The following CNKSR2 variants were observed in gnomAD, a reference collection of about 807,000 sequenced individuals.
The protein encoded by CNKSR2 is connector enhancer of kinase suppressor of Ras 2, also known as CNK homolog protein 2.
CNKSR2 carries 14 observed loss-of-function variants against 84.4 expected under a neutral mutation model. That is an observed-to-expected ratio of 0.17 (90% CI 0.11 to 0.26). CNKSR2 has a LOEUF of 0.26. Ranked by LOEUF, CNKSR2 falls within the 10% of genes least tolerant of loss-of-function variation. The probability of loss-of-function intolerance (pLI) is 1.00; values close to 1 mark genes in which losing one functional copy is unlikely to be tolerated. For missense variants in CNKSR2, 485 were observed against 771.2 expected, an observed-to-expected ratio of 0.63 and a Z score of 4.40; for synonymous variants, 275 against 277.9, an observed-to-expected ratio of 0.99 and a Z score of 0.10.
chrX:21,497,900 A>G (rs1216157052), intron 7 of CNKSR2, 54 bp downstream of exon 7: 2 of 569,527 alleles, frequency 3.5e-6, no homozygotes, highest in Non-Finnish European at 6.3e-6. Context: ...TTTATTGCTA[A>G]CAACTTATAT....
chrX:21,570,996 A>G (rs2092279806), intron 13 of CNKSR2, among the ~76,000 whole-genome samples: 1 of 112,238 alleles, frequency 8.9e-6, no homozygotes. Flanking sequence ...TTGATCTTCT[A>G]TCCAGACCAC....
At chrX:21,600,353 C>G (rs921057688) in intron 17 of CNKSR2, among the ~76,000 whole-genome samples, 1 of 112,028 alleles carries the variant, frequency 8.9e-6, no homozygotes, top group Non-Finnish European at 1.9e-5. Flanking sequence ...TTAGATTATT[C>G]CACAACTTAA....
intron 4 of CNKSR2, among the ~76,000 whole-genome samples, chrX:21,467,110 A>G (rs1008956021): frequency 3.6e-5 from 4 of 111,856 alleles, no homozygotes; most frequent in African/African-American, 9.8e-5. Flanking sequence ...GCTGGCAGAT[A>G]ATGTTATAAA....
intron 11 of CNKSR2, among the ~76,000 whole-genome samples, chrX:21,541,947 A>G (rs993310258): frequency 3.6e-5 from 4 of 111,904 alleles, no homozygotes; most frequent in South Asian, 3.7e-4. Context: ...CAAAAATTAC[A>G]TTCCTCGTTC....
intron 16 of CNKSR2, 67 bp from the exon 17 acceptor site, chrX:21,595,257 C>T (rs1025143023): frequency 4.8e-5 from 41 of 851,804 alleles, no homozygotes; most frequent in East Asian, 1.3e-4. Flanking sequence ...TAATTTTGCC[C>T]GTCAGAATTA....
chrX:21,647,901 A>G (rs1430851898), intron 20 of CNKSR2, among the ~76,000 whole-genome samples: 2 of 111,547 alleles, frequency 1.8e-5, no homozygotes, highest in South Asian at 3.7e-4. Flanking sequence ...CCCTACTCCA[A>G]TCTACCACTC....
chrX:21,652,273 C>T (rs1481378219), intron 21 of CNKSR2, 33 bp from the exon 22 acceptor site: 10 of 1,105,394 alleles, frequency 9.0e-6, no homozygotes, highest in Non-Finnish European at 1.2e-5. Context: ...AACTTTGTCC[C>T]TGTCTTAATT....
chrX:21,543,403 G>A (rs769413295), intron 11 of CNKSR2, among the ~76,000 whole-genome samples: 4 of 112,455 alleles, frequency 3.6e-5, no homozygotes, highest in Non-Finnish European at 7.5e-5. Flanking sequence ...ATTTAATAAA[G>A]TTCATAAAGA....
chrX:21,553,161 C>CA lies in CNKSR2; in HGVS notation c.1304-8301dup, dbSNP rs924373008. Among the ~76,000 whole-genome samples the CA allele has an allele frequency of 4.5e-4, 49 of 108,497 alleles. No individual in the cohort carries two copies. In the South Asian group the frequency reaches 0.011, roughly 25 times the overall value. The allele number at this position is 108,497 out of a possible 115,157, so 94.2% of individuals were successfully genotyped here. On this transcript the variant is annotated intron_variant, in intron 11 of 21. Coordinates refer to ENST00000379510, the MANE Select transcript of CNKSR2 (RefSeq NM_014927.5). ...CTGGCTGTGAGGACACTTAAACAAACAAAAAAAAACTAATCATACATGCCA... is the reference window on the plus strand; with the variant it reads ...CTGGCTGTGAGGACACTTAAACAAACAAAAAAAAAACTAATCATACATGCCA...
intron 1 of CNKSR2, among the ~76,000 whole-genome samples, chrX:21,376,342 C>T (rs1749991154): frequency 8.9e-6 from 1 of 112,079 alleles, no homozygotes; most frequent in Non-Finnish European, 1.9e-5. Flanking sequence ...CTTTATTCCT[C>T]ATTTACTTTG....
At chrX:21,450,249 A>G (rs1437979853) in intron 4 of CNKSR2, among the ~76,000 whole-genome samples, 1 of 111,833 alleles carries the variant, frequency 8.9e-6, no homozygotes, top group Non-Finnish European at 1.9e-5. Flanking sequence ...AGGAAACTTA[A>G]ACAGATATGG....
chrX:21,471,232 A>C (rs781670483), intron 5 of CNKSR2, among the ~76,000 whole-genome samples: 5 of 112,187 alleles, frequency 4.5e-5, no homozygotes, highest in African/African-American at 1.6e-4. Context: ...TATACCTACG[A>C]GACAACCTTT....
chrX:21,386,154 C>T (rs182795186), intron 1 of CNKSR2, among the ~76,000 whole-genome samples: 1 of 110,239 alleles, frequency 9.1e-6, no homozygotes, highest in Non-Finnish European at 1.9e-5. Flanking sequence ...CACATTTTAC[C>T]AAAAATAATG....
chrX:21,550,942 G>A (rs180987559), intron 11 of CNKSR2, among the ~76,000 whole-genome samples: 5 of 108,631 alleles, frequency 4.6e-5, no homozygotes, highest in East Asian at 2.9e-4. Flanking sequence ...AGACTGAGAC[G>A]GGAGAATCAC....
intron 8 of CNKSR2, among the ~76,000 whole-genome samples, chrX:21,512,955 T>A (rs1490528141): frequency 1.8e-5 from 2 of 112,133 alleles, no homozygotes; most frequent in African/African-American, 6.5e-5. Context: ...CAATCTCTTT[T>A]TGCTTCAGTT....
chrX:21,376,858 T>C (rs918089103), intron 1 of CNKSR2, among the ~76,000 whole-genome samples: 3 of 111,750 alleles, frequency 2.7e-5, no homozygotes, highest in Admixed American at 1.9e-4. Flanking sequence ...CTCCCAGTTA[T>C]ATTCTTGCAG....
chrX:21,546,686 C>T (rs1004294144), intron 11 of CNKSR2, among the ~76,000 whole-genome samples: 1 of 111,472 alleles, frequency 9.0e-6, no homozygotes, highest in Non-Finnish European at 1.9e-5. Flanking sequence ...AGAGAAAGGT[C>T]GGGTTACCCA....
chrX:21,594,966 C>T lies in CNKSR2; in HGVS notation c.1831-8C>T, dbSNP rs753317177. Reference sequence around the variant, plus strand: ...ATAATAAACTAACCAAGAGTCTTGGCTCTTCAGGATGAAAAAGCAGAAGGA... The same window carrying T: ...ATAATAAACTAACCAAGAGTCTTGGTTCTTCAGGATGAAAAAGCAGAAGGA... On this transcript the variant is annotated splice_polypyrimidine_tract_variant and splice_region_variant and intron_variant, in intron 15 of 21. Transcript: ENST00000379510. 17 of 1,196,491 alleles carry T rather than the reference C, an allele frequency of 1.4e-5. No homozygotes were observed. Among genetic ancestry groups the T allele is most frequent in the Non-Finnish European group, 1.9e-5 (17 of 884,526 alleles).
At chrX:21,471,653 C>A (rs1364921538) in intron 5 of CNKSR2, among the ~76,000 whole-genome samples, 1 of 112,114 alleles carries the variant, frequency 8.9e-6, no homozygotes, top group Non-Finnish European at 1.9e-5. Context: ...AATATTACTT[C>A]AGAATATCAG....
Sources: allele counts gnomAD v4.1 joint callset (sites outside exome capture counted in the v4.1 genomes callset), GRCh38; gene constraint gnomAD v4.1.1; transcripts MANE v1.5; gene names NCBI Gene and HGNC (gene_info 2026-07-23, HGNC 2026-07-21).